WWOX: variants seen among roughly 807,000 people sequenced by gnomAD.
WWOX encodes the protein WW domain-containing oxidoreductase.
Under a neutral mutation model 46.2 loss-of-function variants are expected in WWOX, and 69 were observed. That is an observed-to-expected ratio of 1.49 (90% CI 1.23 to 1.82). The LOEUF (loss-of-function observed/expected upper bound fraction) is 1.82. Among genes scored for constraint, WWOX ranks in the 40% most tolerant of loss-of-function variants. WWOX has a pLI of 0.00. For synonymous variants in WWOX, 359 were observed against 202.6 expected (o/e 1.77, Z -6.56); for missense variants, 919 against 542.6 (o/e 1.69, Z -6.89).
At chr16:78,102,739 G>A (rs894408948) in intron 1 of WWOX, among the ~76,000 whole-genome samples, 1 of 152,158 alleles carries the variant, frequency 6.6e-6, no homozygotes, top group Admixed American at 6.5e-5. Context: ...TGTTGGCCCT[G>A]TCTCCCTTGC....
chr16:78,903,112 C>G (rs544636651), intron 8 of WWOX, among the ~76,000 whole-genome samples: 2 of 152,302 alleles, frequency 1.3e-5, no homozygotes, highest in Middle Eastern at 6.8e-3. Flanking sequence ...AGAGTGGGAA[C>G]GGCCCAAGCA....
rs2081871508 is a variant in WWOX at position 78,378,086 on chromosome 16, T to C, written c.517-8774T>C. Among the ~76,000 whole-genome samples, 3 of 152,240 alleles carry C rather than the reference T, an allele frequency of 2.0e-5. No homozygotes were observed. In the South Asian group the frequency reaches 6.2e-4, roughly 32 times the overall value. On this transcript the variant is annotated intron_variant, in intron 5 of 8. Transcript: ENST00000566780. ...GGTTAGGAATGGCAAACTCAGCCTC[T>C]GTTCTTCAAGAATCCCCCTGCGTCC... is the stretch of plus-strand genomic sequence containing the variant.
intron 5 of WWOX, among the ~76,000 whole-genome samples, chr16:78,365,260 C>T (rs1236102713): frequency 6.6e-6 from 1 of 152,158 alleles, no homozygotes; most frequent in African/African-American, 2.4e-5. Flanking sequence ...GTGATTGTCT[C>T]CAACGCATCC....
chr16:79,027,988 G>T (rs2047679284), intron 8 of WWOX, among the ~76,000 whole-genome samples: 1 of 151,778 alleles, frequency 6.6e-6, no homozygotes, highest in Non-Finnish European at 1.5e-5. Context: ...GTGTCGCTCT[G>T]TCGCCTAGGC....
chr16:78,375,591 A>G (rs1467440750), intron 5 of WWOX, among the ~76,000 whole-genome samples: 1 of 152,198 alleles, frequency 6.6e-6, no homozygotes, highest in Admixed American at 6.5e-5. Flanking sequence ...TTTCTTTCAT[A>G]GTCTCCGTAG....
chr16:78,692,826 A>G (rs2048020754), intron 8 of WWOX, among the ~76,000 whole-genome samples: 1 of 152,186 alleles, frequency 6.6e-6, no homozygotes, highest in African/African-American at 2.4e-5. Flanking sequence ...ACCAAGGCAT[A>G]TTTTCTTAAA....
chr16:78,148,855 G>C (rs1052283784), intron 4 of WWOX, among the ~76,000 whole-genome samples: 1 of 119,276 alleles, frequency 8.4e-6, no homozygotes, highest in Non-Finnish European at 1.6e-5. Flanking sequence ...CCGAGATTGC[G>C]CCACTGCACT....
intron 8 of WWOX, among the ~76,000 whole-genome samples, chr16:78,922,467 C>T (rs577562508): frequency 2.0e-5 from 3 of 151,350 alleles, no homozygotes; most frequent in Admixed American, 6.6e-5. Flanking sequence ...CAATTTCTAC[C>T]TCCCGGGTTC....
intron 8 of WWOX, among the ~76,000 whole-genome samples, chr16:78,510,387 G>T (rs1201598619): frequency 1.4e-4 from 21 of 152,200 alleles, no homozygotes; most frequent in Non-Finnish European, 1.5e-5. Context: ...TGTATTTTTA[G>T]TAGAGATGGA....
chr16:78,804,370 C>G lies in WWOX; in HGVS notation c.1056+371618C>G, dbSNP rs141106196. On this transcript the variant is annotated intron_variant, in intron 8 of 8. Coordinates refer to ENST00000566780, the MANE Select transcript of WWOX (RefSeq NM_016373.4). The stretch of plus-strand genomic sequence containing the variant: ...ACTTTGACTTTTGCTCGGCAGCGAA[C>G]AAAATTAACAGCTCTTGGAGGTAGG... 1.4e-3 allele frequency among the ~76,000 whole-genome samples: 209 copies of G among 145,542 alleles called. 1 individual carries two copies. The highest frequency in any genetic ancestry group is 3.5e-3 in the Middle Eastern group (1 of 282).
chr16:78,877,247 G>C (rs183528081), intron 8 of WWOX, among the ~76,000 whole-genome samples: 4 of 151,954 alleles, frequency 2.6e-5, no homozygotes, highest in Non-Finnish European at 5.9e-5. Context: ...GTCACAGTAG[G>C]ACACCAAACC....
intron 8 of WWOX, among the ~76,000 whole-genome samples, chr16:78,975,278 T>G (rs2046548706): frequency 6.6e-6 from 1 of 152,172 alleles, no homozygotes; most frequent in Admixed American, 6.5e-5. Context: ...TCTAGAGACA[T>G]TTTTGATTGT....
At chr16:79,050,127 G>T (rs1421811234) in intron 8 of WWOX, among the ~76,000 whole-genome samples, 3 of 152,188 alleles carry the variant, frequency 2.0e-5, no homozygotes, top group African/African-American at 7.2e-5. Flanking sequence ...TGGCAACTGA[G>T]TGGCTCACGG....
At chr16:78,909,349 C>T (rs1409264912) in intron 8 of WWOX, among the ~76,000 whole-genome samples, 1 of 152,146 alleles carries the variant, frequency 6.6e-6, no homozygotes, top group Non-Finnish European at 1.5e-5. Flanking sequence ...TAAGAGTGGC[C>T]TTCGAGCCTC....
At chr16:78,510,131 A>G (rs1324941834) in intron 8 of WWOX, among the ~76,000 whole-genome samples, 1 of 152,098 alleles carries the variant, frequency 6.6e-6, no homozygotes, top group African/African-American at 2.4e-5. Context: ...GTGTATTAGT[A>G]AAGAAGTTAC....
intron 8 of WWOX, among the ~76,000 whole-genome samples, chr16:78,445,917 A>G (rs904198775): frequency 6.6e-6 from 1 of 151,966 alleles, no homozygotes; most frequent in Non-Finnish European, 1.5e-5. Context: ...AAAGAAGAGA[A>G]ACAGCTTTAC....
chr16:78,691,250 C>G lies in WWOX; in HGVS notation c.1056+258498C>G, dbSNP rs1308464795. On this transcript the variant is annotated intron_variant, in intron 8 of 8. Transcript: ENST00000566780. ...CTTGTTTGTGATTCCAGGTTTCAGA[C>G]TGCCTGGTAGAAGGAGGTCACTTCT... 5.7e-6 allele frequency: 4 copies of G among 702,232 alleles called. No individual in the cohort carries two copies. In the East Asian group the frequency reaches 8.0e-5, roughly 14 times the overall value. 43.5% of individuals were successfully genotyped at this position (702,232 alleles called of 1,614,324 possible). A position where few individuals can be genotyped will look rare whatever the true frequency, so the allele number is the denominator to read the frequency against.
intron 5 of WWOX, among the ~76,000 whole-genome samples, chr16:78,252,256 G>C (rs1422310107): frequency 6.6e-6 from 1 of 152,074 alleles, no homozygotes; most frequent in African/African-American, 2.4e-5. Flanking sequence ...AGCACCTCCT[G>C]ATTTATGCTT....
Position 78,681,441 on chromosome 16 carries a change from C to G in WWOX, c.1056+248689C>G, listed in dbSNP as rs138243973. Among the ~76,000 whole-genome samples, 54 of 151,544 alleles carry G rather than the reference C, an allele frequency of 3.6e-4. No individual in the cohort carries two copies. In the East Asian group the frequency reaches 9.8e-3, roughly 27 times the overall value. ...CAAAGGTCAATTTTTTTTCCACATT[C>G]ATCTATAAAACAATAAAGGAAACAT... On this transcript the variant is annotated intron_variant, in intron 8 of 8. Coordinates refer to ENST00000566780, the MANE Select transcript of WWOX (RefSeq NM_016373.4).
Sources: allele counts gnomAD v4.1 joint callset (sites outside exome capture counted in the v4.1 genomes callset), GRCh38; gene constraint gnomAD v4.1.1; transcripts MANE v1.5; gene names NCBI Gene and HGNC (gene_info 2026-07-23, HGNC 2026-07-21).